ROBO1: variants seen among roughly 807,000 people sequenced by gnomAD.
The protein encoded by ROBO1 is roundabout homolog 1.
Under a neutral mutation model 195.9 loss-of-function variants are expected in ROBO1, and 149 were observed. That is an observed-to-expected ratio of 0.76 (90% CI 0.67 to 0.87). The LOEUF is 0.87. Ranked by LOEUF, ROBO1 falls within the 40% of genes least tolerant of loss-of-function variation. The pLI, the probability that ROBO1 is intolerant of heterozygous loss-of-function variation, is 0.00. For missense variants in ROBO1, 1,933 were observed against 2,068.3 expected, an observed-to-expected ratio of 0.93 and a Z score of 1.27; for synonymous variants, 816 against 733.2, an observed-to-expected ratio of 1.11 and a Z score of -1.82.
intron 2 of ROBO1, among the ~76,000 whole-genome samples, chr3:79,253,666 T>C (rs1393326336): frequency 1.3e-5 from 2 of 152,178 alleles, no homozygotes; most frequent in African/African-American, 2.4e-5. Context: ...AAAGACAAAC[T>C]TGAGTTGGCC....
chr3:79,651,624 G>T (rs1425480297), intron 1 of ROBO1, among the ~76,000 whole-genome samples: 1 of 152,094 alleles, frequency 6.6e-6, no homozygotes, highest in Non-Finnish European at 1.5e-5. Flanking sequence ...AGTCTGCAAC[G>T]CTAGCACCCC....
intron 2 of ROBO1, among the ~76,000 whole-genome samples, chr3:79,416,465 C>A (rs923279718): frequency 4.1e-5 from 6 of 147,292 alleles, no homozygotes; most frequent in Admixed American, 6.8e-5. Context: ...ACAACAACAA[C>A]AAAAAATTAG....
chr3:79,652,900 A>G (rs1026736052), intron 1 of ROBO1, among the ~76,000 whole-genome samples: 1 of 151,994 alleles, frequency 6.6e-6, no homozygotes, highest in Non-Finnish European at 1.5e-5. Flanking sequence ...AGCCATAAAT[A>G]AAGGAACAGA....
intron 2 of ROBO1, among the ~76,000 whole-genome samples, chr3:79,571,278 T>A (rs556818329): frequency 6.6e-6 from 1 of 152,160 alleles, no homozygotes; most frequent in African/African-American, 2.4e-5. Context: ...ATGAATCCCA[T>A]GTTACTAAAA....
chr3:79,547,218 T>G (rs1942304891), intron 2 of ROBO1, among the ~76,000 whole-genome samples: 1 of 134,444 alleles, frequency 7.4e-6, no homozygotes, highest in African/African-American at 2.8e-5. Context: ...AAAAAAGACT[T>G]CATTTTGACA....
At chr3:79,701,519 A>G (rs1222843912) in intron 1 of ROBO1, among the ~76,000 whole-genome samples, 1 of 151,740 alleles carries the variant, frequency 6.6e-6, no homozygotes, top group Non-Finnish European at 1.5e-5. Flanking sequence ...ACCTTATTAC[A>G]AAAGATAGAA....
chr3:79,589,673 C>T (rs1039589807), intron 2 of ROBO1, 151 bp downstream of exon 2: 1 of 572,914 alleles, frequency 1.7e-6, no homozygotes, highest in Non-Finnish European at 3.1e-6. Context: ...TGAAATTGAT[C>T]AGCACTCATA....
intron 3 of ROBO1, among the ~76,000 whole-genome samples, chr3:78,991,509 TA>T (rs1468725359): frequency 6.6e-6 from 1 of 152,166 alleles, no homozygotes; most frequent in African/African-American, 2.4e-5. Flanking sequence ...AGCTGGCATT[TA>T]CCTCCAGCAA....
intron 7 of ROBO1, among the ~76,000 whole-genome samples, chr3:78,716,383 G>A (rs552497583): frequency 6.6e-6 from 1 of 152,144 alleles, no homozygotes; most frequent in African/African-American, 2.4e-5. Flanking sequence ...CGACAGGAGA[G>A]AGAATGAGTG....
chr3:79,638,083 T>C (rs987755262), intron 1 of ROBO1, among the ~76,000 whole-genome samples: 1 of 152,142 alleles, frequency 6.6e-6, no homozygotes, highest in Non-Finnish European at 1.5e-5. Flanking sequence ...CTTCAGAAAG[T>C]TCAATAGATT....
intron 2 of ROBO1, among the ~76,000 whole-genome samples, chr3:79,191,008 C>A (rs1460218090): frequency 6.6e-6 from 1 of 151,406 alleles, no homozygotes; most frequent in Non-Finnish European, 1.5e-5. Flanking sequence ...ATACAGTGAA[C>A]TATACGATGT....
chr3:78,815,107 T>G (rs557178098), intron 4 of ROBO1, among the ~76,000 whole-genome samples: 1 of 152,202 alleles, frequency 6.6e-6, no homozygotes, highest in African/African-American at 2.4e-5. Flanking sequence ...CCTTATCTCT[T>G]TCCTCTCCTT....
At chr3:78,634,898 AT>A (rs1269033686) in intron 23 of ROBO1, among the ~76,000 whole-genome samples, 1 of 152,164 alleles carries the variant, frequency 6.6e-6, no homozygotes, top group East Asian at 1.9e-4. Flanking sequence ...GATAAATCGC[AT>A]TTTCAAAGAA....
At chr3:79,008,370 T>G (rs1207036857) in intron 3 of ROBO1, among the ~76,000 whole-genome samples, 2 of 152,156 alleles carry the variant, frequency 1.3e-5, no homozygotes, top group African/African-American at 4.8e-5. Context: ...AATTTTTTAT[T>G]ATTATCACAA....
At chr3:79,369,831 C>T (rs1332302689) in intron 2 of ROBO1, among the ~76,000 whole-genome samples, 12 of 152,020 alleles carry the variant, frequency 7.9e-5, no homozygotes, top group Admixed American at 7.9e-4. Flanking sequence ...AAAACTGATT[C>T]CTTCAAGAAT....
chr3:79,163,840 C>A (rs2081016174), intron 2 of ROBO1, among the ~76,000 whole-genome samples: 1 of 152,062 alleles, frequency 6.6e-6, no homozygotes, highest in South Asian at 2.1e-4. Flanking sequence ...GACAGATAAA[C>A]AAATGTCATT....
intron 2 of ROBO1, among the ~76,000 whole-genome samples, chr3:79,523,142 T>C (rs542895170): frequency 4.2e-4 from 62 of 148,358 alleles, no homozygotes; most frequent in African/African-American, 1.5e-3. Context: ...AGTTCCACCA[T>C]TGTAAGAGGC....
chr3:79,465,160 T>C (rs1345971532), intron 2 of ROBO1, among the ~76,000 whole-genome samples: 1 of 152,034 alleles, frequency 6.6e-6, no homozygotes, highest in Non-Finnish European at 1.5e-5. Context: ...TTATATTTTA[T>C]GCACTTACTA....
chr3:79,645,989 A>T (rs2106707447), intron 1 of ROBO1, among the ~76,000 whole-genome samples: 1 of 152,230 alleles, frequency 6.6e-6, no homozygotes, highest in South Asian at 2.1e-4. Context: ...GGAAGGAAAC[A>T]TTGGGGAAAC....
Sources: gnomAD v4.1 joint callset for allele counts (sites outside exome capture counted in the v4.1 genomes callset) on GRCh38, gnomAD v4.1.1 for gene constraint, MANE v1.5 for transcripts, NCBI Gene and HGNC (gene_info 2026-07-23, HGNC 2026-07-21) for gene names.